Variants in OTUD7A observed in about 807,000 individuals in gnomAD.
OTUD7A encodes the protein OTU domain-containing protein 7A.
A neutral mutation model predicts 65.7 loss-of-function variants in OTUD7A; 12 were observed. That is an observed-to-expected ratio of 0.18 (90% CI 0.12 to 0.30). The LOEUF is 0.30. Among genes scored for constraint, OTUD7A ranks in the 10% least tolerant of loss-of-function variants. The pLI is 1.00. For missense variants in OTUD7A, 1,148 were observed against 1,304.8 expected (o/e 0.88, Z 1.85); for synonymous variants, 641 against 586.3 (o/e 1.09, Z -1.35).
chr15:31,690,787 G>C (rs935926816), intron 1 of OTUD7A, among the ~76,000 whole-genome samples: 6 of 152,146 alleles, frequency 3.9e-5, no homozygotes, highest in African/African-American at 1.4e-4. Flanking sequence ...AACTAAAAAT[G>C]GATCAAAGAC....
At chr15:31,789,194 A>G (rs1424432274) in intron 1 of OTUD7A, among the ~76,000 whole-genome samples, 1 of 152,206 alleles carries the variant, frequency 6.6e-6, no homozygotes, top group African/African-American at 2.4e-5. Flanking sequence ...CTGACTGAGC[A>G]TCTCCTCCAA....
At chr15:31,619,120 C>A (rs546042163) in intron 3 of OTUD7A, among the ~76,000 whole-genome samples, 4 of 152,216 alleles carry the variant, frequency 2.6e-5, no homozygotes, top group African/African-American at 9.6e-5. Context: ...CTCTGTTCTG[C>A]TCCATTGATC....
intron 1 of OTUD7A, among the ~76,000 whole-genome samples, chr15:31,685,189 G>A (rs935845500): frequency 6.6e-6 from 1 of 152,230 alleles, no homozygotes; most frequent in Non-Finnish European, 1.5e-5. Context: ...AAAATAAAGA[G>A]GTTTACAGCC....
At chr15:31,773,413 T>G (rs932076859) in intron 1 of OTUD7A, among the ~76,000 whole-genome samples, 1 of 152,218 alleles carries the variant, frequency 6.6e-6, no homozygotes, top group African/African-American at 2.4e-5. Context: ...GCTACCCATT[T>G]ATAGATGGTG....
At chr15:31,528,384 G>A (rs1203540755) in intron 6 of OTUD7A, among the ~76,000 whole-genome samples, 1 of 152,236 alleles carries the variant, frequency 6.6e-6, no homozygotes, top group Admixed American at 6.5e-5. Context: ...TGGCTAAAGT[G>A]GGATCGAGGA....
chr15:31,821,001 G>C (rs1408756816), intron 1 of OTUD7A, among the ~76,000 whole-genome samples: 1 of 152,016 alleles, frequency 6.6e-6, no homozygotes, highest in Non-Finnish European at 1.5e-5. Context: ...ACTACTTTCT[G>C]TCTCTATTGG....
At chr15:31,533,664 A>G (rs2141126388) in intron 5 of OTUD7A, among the ~76,000 whole-genome samples, 1 of 152,336 alleles carries the variant, frequency 6.6e-6, no homozygotes, top group South Asian at 2.1e-4. Context: ...AGAAATGGCT[A>G]AAGGAAGTTC....
rs1335848412 is a variant in OTUD7A at position 31,487,750 on chromosome 15, G to T, written c.1172-184C>A. Among the ~76,000 whole-genome samples, 2 of 152,230 alleles carry T rather than the reference G, an allele frequency of 1.3e-5. No individual in the cohort carries two copies. On this transcript the variant is annotated intron_variant, in intron 10 of 12. Coordinates refer to ENST00000307050, the MANE Select transcript of OTUD7A (RefSeq NM_001382637.1). This position sits in a 1 kb window ranked among gnomAD's most constrained non-coding sequence, Gnocchi z 6.0. Reference sequence around the variant, plus strand: ...TAGTTTTTAAAATTTCGTATTTATTGCGGACAGTGGAGAGCAGTTGGAAGC... The same window carrying T: ...TAGTTTTTAAAATTTCGTATTTATTTCGGACAGTGGAGAGCAGTTGGAAGC...
chr15:31,759,921 C>G (rs1422106655), intron 1 of OTUD7A, among the ~76,000 whole-genome samples: 1 of 152,134 alleles, frequency 6.6e-6, no homozygotes, highest in Non-Finnish European at 1.5e-5. Flanking sequence ...CTGAACATCA[C>G]TGGAAAAAAA....
At chr15:31,563,194 A>G (rs1888751201) in intron 4 of OTUD7A, among the ~76,000 whole-genome samples, 1 of 152,130 alleles carries the variant, frequency 6.6e-6, no homozygotes, top group African/African-American at 2.4e-5. Flanking sequence ...CCAGGAGGAT[A>G]AGATAATGGG....
intron 3 of OTUD7A, among the ~76,000 whole-genome samples, chr15:31,640,803 C>T (rs1417685407): frequency 1.3e-5 from 2 of 152,036 alleles, no homozygotes; most frequent in Non-Finnish European, 1.5e-5. Flanking sequence ...AGCACATTAG[C>T]TTATTCATCA....
chr15:31,600,587 C>T (rs1382174039), intron 3 of OTUD7A, among the ~76,000 whole-genome samples: 1 of 152,294 alleles, frequency 6.6e-6, no homozygotes, highest in East Asian at 1.9e-4. Flanking sequence ...ATCATAATGA[C>T]AGGATCAAAT....
chr15:31,490,614 C>G lies in OTUD7A; in HGVS notation c.1172-3048G>C, dbSNP rs192888132. Among the ~76,000 whole-genome samples the G allele has an allele frequency of 3.0e-3, 450 of 152,256 alleles. 2 individuals are homozygous for G. Among genetic ancestry groups the G allele is most frequent in the Non-Finnish European group, 5.1e-3 (348 of 68,020 alleles). On this transcript the variant is annotated intron_variant, in intron 10 of 12. Transcript: ENST00000307050. ...TAAGAAGGGCCAATTCAGCTGGACC[C>G]CAGTAAGAATCATTCAGCTAAAATG... is the stretch of plus-strand genomic sequence containing the variant.
At chr15:31,629,934 T>C (rs1314579120) in intron 3 of OTUD7A, among the ~76,000 whole-genome samples, 1 of 152,210 alleles carries the variant, frequency 6.6e-6, no homozygotes, top group Non-Finnish European at 1.5e-5. Context: ...GGATCAGTGG[T>C]GATATCCCCT....
chr15:31,577,106 A>G (rs1235758649), intron 3 of OTUD7A, among the ~76,000 whole-genome samples: 1 of 152,144 alleles, frequency 6.6e-6, no homozygotes, highest in Non-Finnish European at 1.5e-5. Context: ...AATATATTTT[A>G]CTCCAAAATA....
At chr15:31,620,196 G>C (rs573327125) in intron 3 of OTUD7A, among the ~76,000 whole-genome samples, 1 of 151,942 alleles carries the variant, frequency 6.6e-6, no homozygotes, top group East Asian at 1.9e-4. Flanking sequence ...TTTTTGCATC[G>C]ATGTTCATCA....
chr15:31,568,732 G>A (rs1011173229), intron 4 of OTUD7A, among the ~76,000 whole-genome samples: 6 of 152,166 alleles, frequency 3.9e-5, no homozygotes, highest in Admixed American at 3.3e-4. Context: ...TGAATGGCTC[G>A]GGCCAACCCC....
intron 1 of OTUD7A, among the ~76,000 whole-genome samples, chr15:31,724,857 T>C (rs375732476): frequency 4.9e-4 from 75 of 151,990 alleles, no homozygotes; most frequent in East Asian, 4.1e-3. Context: ...GGTCCTCCTG[T>C]TGAAGCCAGC....
At chr15:31,521,206 G>A (rs866529748) in intron 8 of OTUD7A, among the ~76,000 whole-genome samples, 3 of 152,140 alleles carry the variant, frequency 2.0e-5, no homozygotes, top group Non-Finnish European at 2.9e-5. Flanking sequence ...TAAAATCCCA[G>A]ACTTTACCAC....
Sources: gnomAD v4.1 joint callset for allele counts (sites outside exome capture counted in the v4.1 genomes callset) on GRCh38, gnomAD v4.1.1 for gene constraint, Gnocchi (gnomAD v3.1) non-coding constraint, MANE v1.5 for transcripts, NCBI Gene and HGNC (gene_info 2026-07-23, HGNC 2026-07-21) for gene names.